Variants in SGCD observed in about 807,000 individuals in gnomAD.
The protein encoded by SGCD is delta-sarcoglycan.
Under a neutral mutation model 36.6 loss-of-function variants are expected in SGCD, and 18 were observed. The ratio of observed to expected loss-of-function variants is 0.49; its 90% CI spans 0.34 to 0.73. SGCD has a LOEUF of 0.73. SGCD is among the 30% of genes least tolerant of loss of function. SGCD has a pLI of 0.01. For synonymous variants in SGCD, 133 were observed against 130.6 expected (o/e 1.02, Z -0.12); for missense variants, 387 against 346.7 (o/e 1.12, Z -0.92).
At chr5:156,519,234 A>C (rs1757307260) in intron 4 of SGCD, among the ~76,000 whole-genome samples, 1 of 152,178 alleles carries the variant, frequency 6.6e-6, no homozygotes, top group Admixed American at 6.5e-5. Context: ...AAAATCTAAA[A>C]GAAATTGATA....
chr5:156,451,572 A>G (rs1754018140), intron 3 of SGCD, among the ~76,000 whole-genome samples: 2 of 152,186 alleles, frequency 1.3e-5, no homozygotes, highest in Non-Finnish European at 2.9e-5. Context: ...TGAAATTGCT[A>G]TGGGCACAGA....
At chr5:156,699,026 C>T (rs1193525856) in intron 7 of SGCD, among the ~76,000 whole-genome samples, 1 of 152,134 alleles carries the variant, frequency 6.6e-6, no homozygotes, top group Non-Finnish European at 1.5e-5. Flanking sequence ...CTCCAGCTAC[C>T]ATGACTGTTA....
intron 7 of SGCD, among the ~76,000 whole-genome samples, chr5:156,675,552 C>T (rs1417660375): frequency 6.6e-6 from 1 of 152,184 alleles, no homozygotes; most frequent in Non-Finnish European, 1.5e-5. Flanking sequence ...GAAATGTTCT[C>T]ATAGCAAAGG....
chr5:156,622,622 A>G (rs890407953), intron 6 of SGCD, among the ~76,000 whole-genome samples: 2 of 152,100 alleles, frequency 1.3e-5, no homozygotes, highest in African/African-American at 4.8e-5. Context: ...ATGAACAACC[A>G]AAGAAATGGG....
chr5:156,132,765 G>GC (rs1381742246), intron 3 of SGCD, among the ~76,000 whole-genome samples: 6 of 152,042 alleles, frequency 3.9e-5, no homozygotes, highest in African/African-American at 1.4e-4. Context: ...ACCGCGCCCG[G>GC]CCCTTACCAA....
chr5:155,906,716 A>G (rs927649376), intron 1 of SGCD, among the ~76,000 whole-genome samples: 5 of 152,142 alleles, frequency 3.3e-5, no homozygotes, highest in African/African-American at 1.2e-4. Flanking sequence ...GTTACAAGCT[A>G]GCAGATGTTG....
Position 156,242,545 on chromosome 5 carries a change from G to T in SGCD, c.-43-86989G>T, listed in dbSNP as rs190726016. 3.4e-3 allele frequency among the ~76,000 whole-genome samples: 517 copies of T among 152,296 alleles called. 2 individuals are homozygous for T. Among genetic ancestry groups the T allele is most frequent in the African/African-American group, 0.012 (496 of 41,554 alleles). On this transcript the variant is annotated intron_variant, in intron 3 of 9. Coordinates refer to the SGCD transcript ENST00000517913. The stretch of plus-strand genomic sequence containing the variant: ...TATATTAATGTCAATCTCCTAGTTT[G>T]TGATTTTACATTACAGTTTTGTAAG...
chr5:155,995,723 A>G (rs1392318817), intron 1 of SGCD, among the ~76,000 whole-genome samples: 1 of 152,198 alleles, frequency 6.6e-6, no homozygotes, highest in Non-Finnish European at 1.5e-5. Context: ...AGTGAATCCT[A>G]TAAATGTATT....
At chr5:156,186,839 A>G (rs1358383985) in intron 3 of SGCD, among the ~76,000 whole-genome samples, 2 of 152,134 alleles carry the variant, frequency 1.3e-5, no homozygotes, top group Non-Finnish European at 2.9e-5. Context: ...CCAATTTGCT[A>G]TGTGAAGTAT....
At chr5:156,693,280 G>A (rs1247249967) in intron 7 of SGCD, among the ~76,000 whole-genome samples, 2 of 152,116 alleles carry the variant, frequency 1.3e-5, no homozygotes, top group African/African-American at 4.8e-5. Flanking sequence ...GAGACATGGA[G>A]GGAAACAAGT....
chr5:155,961,662 T>C (rs1757792782), intron 1 of SGCD, among the ~76,000 whole-genome samples: 1 of 152,144 alleles, frequency 6.6e-6, no homozygotes, highest in Non-Finnish European at 1.5e-5. Context: ...GAGCCAGAGT[T>C]ATCAGCCACT....
the SGCD span, among the ~76,000 whole-genome samples, chr5:155,835,987 T>C: frequency 6.6e-6 from 1 of 152,176 alleles, no homozygotes; most frequent in Admixed American, 6.5e-5. Flanking sequence ...ATATAGCGTT[T>C]AGTACTATCT....
chr5:155,877,783 C>A lies in SGCD; in HGVS notation c.-282+7359C>A, dbSNP rs190231224. The stretch of plus-strand genomic sequence containing the variant: ...TGTCTAAATATGTTTGGGAAACAAA[C>A]CCTGATAAGTGCAATAAAGTTAAAT... On this transcript the variant is annotated intron_variant, in intron 1 of 9. Transcript: ENST00000517913. Among the ~76,000 whole-genome samples, 211 of 152,128 alleles carry A rather than the reference C, an allele frequency of 1.4e-3. 1 individual carries two copies. Among genetic ancestry groups the A allele is most frequent in the African/African-American group, 4.9e-3 (202 of 41,498 alleles).
chr5:156,696,025 G>A (rs1407402559), intron 7 of SGCD, among the ~76,000 whole-genome samples: 1 of 152,168 alleles, frequency 6.6e-6, no homozygotes, highest in African/African-American at 2.4e-5. Context: ...AGGCCTACCA[G>A]CCAATTCTTA....
chr5:155,886,001 T>C (rs1050581317), intron 1 of SGCD, among the ~76,000 whole-genome samples: 1 of 152,214 alleles, frequency 6.6e-6, no homozygotes, highest in Non-Finnish European at 1.5e-5. Flanking sequence ...ATCATCATCA[T>C]TGTTATTTTG....
At chr5:155,975,836 C>T (rs1221223996) in intron 1 of SGCD, among the ~76,000 whole-genome samples, 1 of 151,118 alleles carries the variant, frequency 6.6e-6, no homozygotes, top group African/African-American at 2.4e-5. Flanking sequence ...TGCCATGTTG[C>T]CCAGGCTGGT....
chr5:155,731,755 C>T, the SGCD span, among the ~76,000 whole-genome samples: 5 of 152,218 alleles, frequency 3.3e-5, no homozygotes, highest in South Asian at 2.1e-4. Flanking sequence ...CAGTAGCTTC[C>T]GAGAAATACA....
the SGCD span, among the ~76,000 whole-genome samples, chr5:155,729,286 C>T: frequency 6.6e-6 from 1 of 152,256 alleles, no homozygotes; most frequent in Non-Finnish European, 1.5e-5. Flanking sequence ...GTTAAGCTAG[C>T]TCCCAGCATA....
intron 1 of SGCD, among the ~76,000 whole-genome samples, chr5:156,024,738 G>T (rs1759188020): frequency 6.6e-6 from 1 of 152,106 alleles, no homozygotes; most frequent in Non-Finnish European, 1.5e-5. Flanking sequence ...TGGGCAGATT[G>T]CCTGAGTTTA....
Sources: gnomAD v4.1 joint callset for allele counts (sites outside exome capture counted in the v4.1 genomes callset) on GRCh38, gnomAD v4.1.1 for gene constraint, MANE v1.5 for transcripts, NCBI Gene and HGNC (gene_info 2026-07-23, HGNC 2026-07-21) for gene names.